Variants in EBF1 observed in about 807,000 individuals in gnomAD.
The protein encoded by EBF1 is EBF transcription factor 1.
Under a neutral mutation model 68.4 loss-of-function variants are expected in EBF1, and 10 were observed. That is an observed-to-expected ratio of 0.15 (90% CI 0.09 to 0.25). The LOEUF is 0.25. Ranked by LOEUF, EBF1 falls within the 10% of genes least tolerant of loss-of-function variation. The pLI is 1.00. For missense variants in EBF1, 509 were observed against 794.4 expected (o/e 0.64, Z 4.32); for synonymous variants, 298 against 299.8 (o/e 0.99, Z 0.06).
At chr5:158,730,957 A>G in intron 11 of EBF1, 112 bp downstream of exon 11, 1 of 990,266 alleles carries the variant, frequency 1.0e-6, no homozygotes, top group Middle Eastern at 2.1e-4. Flanking sequence ...AAACACACAA[A>G]ACACAAAAAT....
chr5:158,739,684 G>A (rs1206592328), intron 10 of EBF1, among the ~76,000 whole-genome samples: 4 of 152,142 alleles, frequency 2.6e-5, no homozygotes, highest in Admixed American at 2.0e-4. Flanking sequence ...TTAAGGATAC[G>A]TCCATAATTC....
intron 10 of EBF1, among the ~76,000 whole-genome samples, chr5:158,750,268 G>A (rs1292444420): frequency 6.6e-6 from 1 of 152,106 alleles, no homozygotes; most frequent in African/African-American, 2.4e-5. Context: ...TTAAAGGAGA[G>A]CTGTTCCCAG....
chr5:158,971,094 C>T (rs1332830594), intron 6 of EBF1, among the ~76,000 whole-genome samples: 1 of 152,210 alleles, frequency 6.6e-6, no homozygotes, highest in Non-Finnish European at 1.5e-5. Context: ...CTTCAATTTA[C>T]TATAATGCTA....
chr5:158,972,859 A>C (rs956043016), intron 6 of EBF1, among the ~76,000 whole-genome samples: 1 of 151,858 alleles, frequency 6.6e-6, no homozygotes, highest in Non-Finnish European at 1.5e-5. Flanking sequence ...TGTCAGGCAC[A>C]CTCCCTGCAG....
At chr5:158,853,039 G>A (rs576884932) in intron 6 of EBF1, among the ~76,000 whole-genome samples, 1 of 152,102 alleles carries the variant, frequency 6.6e-6, no homozygotes, top group Non-Finnish European at 1.5e-5. Context: ...CATGGCATCC[G>A]TGATCACCCC....
chr5:158,763,604 T>C lies in EBF1; in HGVS notation c.1036+13809A>G, dbSNP rs139471319. Among the ~76,000 whole-genome samples the C allele has an allele frequency of 2.4e-3, 360 of 152,230 alleles. 1 individual carries two copies. The highest frequency in any genetic ancestry group is 8.5e-3 in the African/African-American group (352 of 41,542). ...TGTAAACATATCACATATTGGAAGGTCCAAGGAATTAAGCGTCTATACCAC... is the reference window on the plus strand; with the variant it reads ...TGTAAACATATCACATATTGGAAGGCCCAAGGAATTAAGCGTCTATACCAC... On this transcript the variant is annotated intron_variant, in intron 10 of 15. Coordinates refer to ENST00000313708, the MANE Select transcript of EBF1 (RefSeq NM_024007.5).
intron 6 of EBF1, among the ~76,000 whole-genome samples, chr5:158,913,544 C>T (rs1806470339): frequency 6.6e-6 from 1 of 152,148 alleles, no homozygotes; most frequent in Non-Finnish European, 1.5e-5. Flanking sequence ...CTGGGTACTG[C>T]ATGCTCCCAC....
At chr5:158,946,362 G>A (rs1814704065) in intron 6 of EBF1, among the ~76,000 whole-genome samples, 1 of 152,166 alleles carries the variant, frequency 6.6e-6, no homozygotes, top group Admixed American at 6.5e-5. Context: ...TTCAGATGGA[G>A]TTTTTGCTTG....
chr5:158,811,785 T>C (rs918628511), intron 8 of EBF1, among the ~76,000 whole-genome samples: 9 of 152,112 alleles, frequency 5.9e-5, no homozygotes, highest in African/African-American at 2.2e-4. Flanking sequence ...CCTATGGAAA[T>C]TTTCCAAGTT....
At chr5:158,932,990 G>T (rs1213485905) in intron 6 of EBF1, among the ~76,000 whole-genome samples, 1 of 152,088 alleles carries the variant, frequency 6.6e-6, no homozygotes, top group Non-Finnish European at 1.5e-5. Context: ...AGACACCCTG[G>T]TCTCTGATCC....
intron 9 of EBF1, among the ~76,000 whole-genome samples, chr5:158,783,690 A>G (rs1776856097): frequency 6.6e-6 from 1 of 152,172 alleles, no homozygotes; most frequent in Non-Finnish European, 1.5e-5. Context: ...CAGGCGAGAT[A>G]TGCCCACTGT....
intron 9 of EBF1, among the ~76,000 whole-genome samples, chr5:158,792,653 T>C (rs1778876735): frequency 6.6e-6 from 1 of 152,198 alleles, no homozygotes; most frequent in Non-Finnish European, 1.5e-5. Context: ...TTAGAAGGCC[T>C]GGATCTTAGA....
chr5:159,047,086 T>C (rs940083921), intron 6 of EBF1, among the ~76,000 whole-genome samples: 1 of 152,092 alleles, frequency 6.6e-6, no homozygotes, highest in Non-Finnish European at 1.5e-5. Context: ...TCAGGAGGAA[T>C]AGAATAGTAA....
intron 6 of EBF1, among the ~76,000 whole-genome samples, chr5:159,020,846 T>A (rs1459567275): frequency 6.6e-6 from 1 of 152,044 alleles, no homozygotes; most frequent in Non-Finnish European, 1.5e-5. Flanking sequence ...TGGGGATAAG[T>A]AATAACAATT....
intron 6 of EBF1, among the ~76,000 whole-genome samples, chr5:158,964,856 T>TA (rs950975482): frequency 5.3e-5 from 8 of 152,050 alleles, no homozygotes; most frequent in Non-Finnish European, 1.0e-4. Flanking sequence ...TGCCTACAAG[T>TA]AAAAAAATAA....
At chr5:158,951,431 G>T (rs1403031144) in intron 6 of EBF1, among the ~76,000 whole-genome samples, 3 of 152,150 alleles carry the variant, frequency 2.0e-5, no homozygotes, top group Non-Finnish European at 2.9e-5. Flanking sequence ...TCACAATGGT[G>T]ATTTCTCATT....
chr5:159,048,933 CAT>C (rs745893143), intron 6 of EBF1, among the ~76,000 whole-genome samples: 11 of 152,218 alleles, frequency 7.2e-5, no homozygotes, highest in Admixed American at 1.3e-4. Flanking sequence ...GCTAAATACA[CAT>C]GTCTTCCAAA....
Position 159,099,758 on chromosome 5 carries a change from T to G in EBF1, c.-280A>C. On this transcript the variant is annotated 5_prime_UTR_variant, in exon 1 of 16. Transcript: ENST00000313708. ...AATAATAAAATTAGAGATGTATGCT[T>G]GGCTGTTGGGGGTTGTTTGGTTGGT... 4.5e-6 allele frequency: 1 copy of G among 223,336 alleles called. No homozygotes were observed. The highest frequency in any genetic ancestry group is 2.3e-5 in the African/African-American group (1 of 43,060). The allele number at this position is 223,336 out of a possible 1,614,324, so 13.8% of individuals were successfully genotyped here. A position where few individuals can be genotyped will look rare whatever the true frequency, so the allele number is the denominator to read the frequency against.
chr5:159,001,651 ATTAAG>A (rs1256951551), intron 6 of EBF1, among the ~76,000 whole-genome samples: 5 of 152,182 alleles, frequency 3.3e-5, no homozygotes, highest in Non-Finnish European at 5.9e-5. Flanking sequence ...TGGCCAACTT[ATTAAG>A]TTGACACTAA....
Sources: gnomAD v4.1 joint callset for allele counts (sites outside exome capture counted in the v4.1 genomes callset) on GRCh38, gnomAD v4.1.1 for gene constraint, MANE v1.5 for transcripts, NCBI Gene and HGNC (gene_info 2026-07-23, HGNC 2026-07-21) for gene names.